BIN1: variants seen among roughly 807,000 people sequenced by gnomAD.
BIN1 encodes bridging integrator 1.
In BIN1, 53 loss-of-function variants were observed where a neutral mutation model predicts 82.0. The ratio of observed to expected loss-of-function variants is 0.65; its 90% CI spans 0.52 to 0.81. The LOEUF (loss-of-function observed/expected upper bound fraction) is 0.81. Ranked by LOEUF, BIN1 falls within the 40% of genes least tolerant of loss-of-function variation. The probability of loss-of-function intolerance (pLI) is 0.00; values close to 1 mark genes in which losing one functional copy is unlikely to be tolerated. For missense variants in BIN1, 642 were observed against 784.4 expected (o/e 0.82, Z 2.17); for synonymous variants, 302 against 328.0 (o/e 0.92, Z 0.86).
At position 127,090,972 on chromosome 2, in the gene BIN1, G is replaced by A. The variant is rs574782497; in HGVS notation, c.85-14266C>T. ...TCTGGATGCCTTCAGGTTCTTACAC[G>A]TCTGTTCCTGTCTGAGAAGCTCAAC... On this transcript the variant is annotated intron_variant, in intron 1 of 18. Coordinates refer to ENST00000316724, the MANE Select transcript of BIN1 (RefSeq NM_139343.3). The surrounding 1 kb of genome is among the most constrained non-coding windows in gnomAD (Gnocchi z 6.4). Among the ~76,000 whole-genome samples the A allele has an allele frequency of 9.2e-5, 14 of 152,150 alleles. No homozygotes were observed. Among genetic ancestry groups the A allele is most frequent in the Non-Finnish European group, 1.5e-4 (10 of 68,038 alleles).
intron 1 of BIN1, chr2:127,081,826 C>CTTCAGCTCCA (rs1687328554): frequency 2.3e-6 from 3 of 1,288,070 alleles, no homozygotes; most frequent in Non-Finnish European, 2.0e-6. Flanking sequence ...CGCATAAGGC[C>CTTCAGCTCCA]CTCACCTTCC....
intron 7 of BIN1, 31 bp from the exon 8 acceptor site, chr2:127,064,049 T>C (rs763650837): frequency 6.2e-7 from 1 of 1,613,222 alleles, no homozygotes; most frequent in Non-Finnish European, 8.5e-7. Flanking sequence ...TTCCCCTCTG[T>C]TGGGCGTCCC....
chr2:127,085,332 T>G (rs987560683), intron 1 of BIN1, among the ~76,000 whole-genome samples: 6 of 152,028 alleles, frequency 3.9e-5, no homozygotes, highest in African/African-American at 1.5e-4. Flanking sequence ...CCTTCCAACT[T>G]CTCAAAGGCA....
intron 2 of BIN1, 55 bp from the exon 3 acceptor site, chr2:127,070,871 G>T: frequency 6.4e-7 from 1 of 1,552,790 alleles, no homozygotes; most frequent in South Asian, 1.2e-5. Flanking sequence ...CCCAGTCCCT[G>T]ACCCTCTCCT....
intron 5 of BIN1, 121 bp downstream of exon 5, chr2:127,069,874 G>T (rs186641208): frequency 1.0e-6 from 1 of 1,004,360 alleles, no homozygotes; most frequent in East Asian, 2.7e-5. Flanking sequence ...GAAACACCGG[G>T]CCAGGCGCTT....
rs77668601 is a variant in BIN1, at chr2:127,059,852, G to A, written c.858-697C>T. On this transcript the variant is annotated intron_variant, in intron 10 of 18. Transcript: ENST00000316724. The surrounding 1 kb of genome is among the most constrained non-coding windows in gnomAD (Gnocchi z 6.7). ...TGCTGTGCACCCCAGGCACAGGGGC[G>A]AAGGTGCAGGGAGAAAATTCTCTAC... Among the ~76,000 whole-genome samples the A allele has an allele frequency of 0.023, 3,475 of 152,276 alleles. 135 individuals carry two copies. Among genetic ancestry groups the A allele is most frequent in the African/African-American group, 0.08 (3,317 of 41,532 alleles).
intron 1 of BIN1, among the ~76,000 whole-genome samples, chr2:127,087,370 AG>A (rs1678313082): frequency 6.6e-6 from 1 of 152,192 alleles, no homozygotes; most frequent in Non-Finnish European, 1.5e-5. Flanking sequence ...CAGGCCAGGA[AG>A]GCCCCCTCCC....
In BIN1 at chr2:127,054,198, C is replaced by T. The variant is rs79527490; in HGVS notation, c.1132-186G>A. The T allele has an allele frequency of 0.11, 70,622 of 640,008 alleles. 4,360 individuals are homozygous for T. Among genetic ancestry groups the T allele is most frequent in the Non-Finnish European group, 0.13 (44,107 of 348,364 alleles). The allele number at this position is 640,008 out of a possible 1,614,324, so 39.6% of individuals were successfully genotyped here. A position where few individuals can be genotyped will look rare whatever the true frequency, so the allele number is the denominator to read the frequency against. On this transcript the variant is annotated intron_variant, in intron 12 of 18. Transcript: ENST00000316724. ...ACAGCCCAGGCACCAACTCATCCAC[C>T]TCACACACGGGAGCACTGCCCAAAG...
intron 4 of BIN1, 30 bp from the exon 5 acceptor site, chr2:127,070,120 C>T: frequency 6.2e-7 from 1 of 1,600,192 alleles, no homozygotes; most frequent in Non-Finnish European, 8.6e-7. Context: ...GACAGTGCCA[C>T]CAGGAGGGCT....
At chr2:127,101,765 A>G (rs1391289312) in intron 1 of BIN1, among the ~76,000 whole-genome samples, 4 of 152,270 alleles carry the variant, frequency 2.6e-5, no homozygotes, top group Non-Finnish European at 5.9e-5. Context: ...AAGCTCTCTG[A>G]TTCCCAAGCC....
chr2:127,074,180 C>T (rs1686297960), intron 2 of BIN1, among the ~76,000 whole-genome samples: 1 of 152,102 alleles, frequency 6.6e-6, no homozygotes, highest in Non-Finnish European at 1.5e-5. Flanking sequence ...GCTTCCCACG[C>T]CCCATTCTCT....
chr2:127,074,772 G>A (rs55889591), intron 2 of BIN1, among the ~76,000 whole-genome samples: 26,470 of 151,992 alleles, frequency 0.17, 2,411 homozygotes, highest in South Asian at 0.25. Flanking sequence ...GCATGATCTC[G>A]GCCCACCGCA....
intron 1 of BIN1, 142 bp downstream of exon 1, chr2:127,106,718 C>G: frequency 9.8e-7 from 1 of 1,020,860 alleles, no homozygotes; most frequent in Non-Finnish European, 1.4e-6. Context: ...GACCTCGAAG[C>G]CCCTCGAAAG....
chr2:127,086,473 G>C (rs770258543), intron 1 of BIN1, among the ~76,000 whole-genome samples: 2 of 151,608 alleles, frequency 1.3e-5, no homozygotes, highest in African/African-American at 4.8e-5. Flanking sequence ...TCCCAGGAAG[G>C]CCTGGCCTCG....
At chr2:127,066,714 ACACT>A (rs1276364637) in intron 7 of BIN1, among the ~76,000 whole-genome samples, 3 of 152,170 alleles carry the variant, frequency 2.0e-5, no homozygotes, top group African/African-American at 4.8e-5. Flanking sequence ...GAGGCTGTCA[ACACT>A]CAGTGTCTCC....
At chr2:127,060,623 A>G (rs750495507) in intron 10 of BIN1, 1 of 1,614,218 alleles carries the variant, frequency 6.2e-7, no homozygotes, top group South Asian at 1.1e-5. Context: ...CAGCCGCGAA[A>G]ACAGTTTACT....
chr2:127,056,276 G>A (rs1683655726), intron 12 of BIN1: 1 of 152,594 alleles, frequency 6.6e-6, no homozygotes, highest in Admixed American at 6.5e-5. Context: ...GCAGCAAGCA[G>A]CCCTGGAGGT....
rs752701141 is a variant in BIN1, at chr2:127,051,236, T to C, written c.1379A>G (p.Glu460Gly). The C allele has an allele frequency of 6.2e-7, 1 of 1,613,746 alleles. No homozygotes were observed. ...TAEPGPAQPA[E>G]ASEVAGGTQP... ...GGTCCCACCCGCCACCTCCGAGGCCTCTGCTGGCTGCAACATAAATGCCGG... is the reference window on the plus strand; with the variant it reads ...GGTCCCACCCGCCACCTCCGAGGCCCCTGCTGGCTGCAACATAAATGCCGG... Residue 460 changes from glutamate to glycine, a missense_variant, in exon 16 of 19, where the codon GAG becomes GGG. Physicochemically the swap from Glu to Gly is moderately conservative, Grantham distance 98. Transcript: ENST00000316724.
intron 17 of BIN1, 70 bp from the exon 18 acceptor site, chr2:127,050,592 G>C (rs1347591502): frequency 1.3e-6 from 2 of 1,554,434 alleles, no homozygotes; most frequent in Non-Finnish European, 1.8e-6. Flanking sequence ...CACGGGCCTT[G>C]CGTGTGGGAG....
Sources: allele counts gnomAD v4.1 joint callset (sites outside exome capture counted in the v4.1 genomes callset), GRCh38; gene constraint gnomAD v4.1.1; non-coding constraint Gnocchi (gnomAD v3.1); transcripts MANE v1.5; gene names NCBI Gene and HGNC (gene_info 2026-07-23, HGNC 2026-07-21).